ZNF469: variants seen among roughly 807,000 people sequenced by gnomAD.
ZNF469 encodes the protein zinc finger protein 469.
ZNF469 carries 1 observed loss-of-function variant against 1.0 expected under a neutral mutation model. The observed-to-expected ratio is 1.00, with a 90% CI of 0.35 to 4.73. The LOEUF (loss-of-function observed/expected upper bound fraction) is 4.73. Among genes scored for constraint, ZNF469 ranks in the 30% most tolerant of loss-of-function variants. The probability of loss-of-function intolerance (pLI) is 0.16; values close to 1 mark genes in which losing one functional copy is unlikely to be tolerated. For missense variants in ZNF469, 6,100 were observed against 5,356.3 expected (o/e 1.14, Z -4.33); for synonymous variants, 2,703 against 2,363.4 (o/e 1.14, Z -4.17).
chr16:88,204,248 A>G, the ZNF469 span, among the ~76,000 whole-genome samples: 80 of 151,924 alleles, frequency 5.3e-4, no homozygotes, highest in African/African-American at 1.9e-3. Flanking sequence ...GAGCAGCGGG[A>G]GGCGCACCAT....
At chr16:88,238,830 C>T in the ZNF469 span, among the ~76,000 whole-genome samples, 1 of 152,178 alleles carries the variant, frequency 6.6e-6, no homozygotes, top group East Asian at 1.9e-4. Flanking sequence ...GAAGAGCAGG[C>T]GCCTCTGCTT....
chr16:88,317,323 G>A, the ZNF469 span, among the ~76,000 whole-genome samples: 1 of 152,242 alleles, frequency 6.6e-6, no homozygotes, highest in African/African-American at 2.4e-5. Flanking sequence ...CCCCAGGGCA[G>A]ATGCTCACAG....
At chr16:88,268,231 C>T in the ZNF469 span, among the ~76,000 whole-genome samples, 91 of 152,252 alleles carry the variant, frequency 6.0e-4, no homozygotes, top group African/African-American at 1.9e-3. Flanking sequence ...CGTTCCCATG[C>T]CCCGTTGTCA....
rs761659203 is a variant in ZNF469, at chr16:88,405,743, C to T, written c.-191-19064C>T. Among the ~76,000 whole-genome samples, 194 of 152,246 alleles carry T rather than the reference C, an allele frequency of 1.3e-3. 1 individual carries two copies. The highest frequency in any genetic ancestry group is 6.8e-3 in the Middle Eastern group (2 of 294). ...AGGCTCCCGGCACTCCAAGCCGCCT[C>T]GGTGGGGCCACAGCGTCTGTCCCGG... is the stretch of plus-strand genomic sequence containing the variant. On this transcript the variant is annotated intron_variant, in intron 1 of 2. Coordinates refer to ENST00000565624, the MANE Select transcript of ZNF469 (RefSeq NM_001367624.2).
the ZNF469 span, among the ~76,000 whole-genome samples, chr16:88,282,516 G>A: frequency 6.6e-6 from 1 of 152,134 alleles, no homozygotes; most frequent in Non-Finnish European, 1.5e-5. Context: ...TCCTTCAGAT[G>A]CTCACCTTGC....
intron 1 of ZNF469, among the ~76,000 whole-genome samples, chr16:88,409,555 G>A (rs2066021237): frequency 6.6e-6 from 1 of 152,162 alleles, no homozygotes; most frequent in Non-Finnish European, 1.5e-5. Context: ...CAGGGGCAGG[G>A]GGCCAGCCGG....
intron 1 of ZNF469, among the ~76,000 whole-genome samples, chr16:88,406,414 G>A (rs541521590): frequency 6.6e-5 from 10 of 152,224 alleles, no homozygotes; most frequent in African/African-American, 9.6e-5. Context: ...GGAAGCCCCC[G>A]CTGCCCGCTG....
At chr16:88,169,858 GT>G in the ZNF469 span, among the ~76,000 whole-genome samples, 2 of 152,192 alleles carry the variant, frequency 1.3e-5, no homozygotes, top group Non-Finnish European at 2.9e-5. The surrounding 1 kb of genome is among the most constrained non-coding windows in gnomAD (Gnocchi z 6.1). Context: ...TCTGGCACAC[GT>G]GGGCCCACCA....
At chr16:88,131,309 C>G in the ZNF469 span, among the ~76,000 whole-genome samples, 3,665 of 149,242 alleles carry the variant, frequency 0.025, 120 homozygotes, top group African/African-American at 0.091. Context: ...AAAACAATAC[C>G]AAGGCTGGTG....
the ZNF469 span, among the ~76,000 whole-genome samples, chr16:88,304,434 A>G: frequency 6.6e-6 from 1 of 152,210 alleles, no homozygotes; most frequent in South Asian, 2.1e-4. Context: ...TGCAGGGGCC[A>G]GGCCTCCATC....
intron 1 of ZNF469, among the ~76,000 whole-genome samples, chr16:88,411,836 G>A (rs1266299795): frequency 6.6e-6 from 1 of 152,120 alleles, no homozygotes; most frequent in East Asian, 1.9e-4. Context: ...TTCTGTCACA[G>A]CTGAACAGGC....
chr16:88,322,440 C>T, the ZNF469 span, among the ~76,000 whole-genome samples: 1 of 152,232 alleles, frequency 6.6e-6, no homozygotes, highest in Non-Finnish European at 1.5e-5. Flanking sequence ...GTGTCCCGGC[C>T]GTGTTCATCC....
chr16:88,394,173 A>G (rs1904586021), intron 1 of ZNF469, among the ~76,000 whole-genome samples: 1 of 147,218 alleles, frequency 6.8e-6, no homozygotes, highest in African/African-American at 2.5e-5. Context: ...GGGGTTTGAC[A>G]GGTCTACACC....
chr16:88,112,196 G>A, the ZNF469 span, among the ~76,000 whole-genome samples: 13 of 152,284 alleles, frequency 8.5e-5, no homozygotes, highest in South Asian at 2.1e-4. Flanking sequence ...CCAGCACTTC[G>A]GGAGGCTGAG....
At chr16:88,189,220 A>G in the ZNF469 span, among the ~76,000 whole-genome samples, 2,023 of 152,288 alleles carry the variant, frequency 0.013, 58 homozygotes, top group African/African-American at 0.047. The surrounding 1 kb of genome is among the most constrained non-coding windows in gnomAD (Gnocchi z 4.3). Flanking sequence ...TCTGATCGTA[A>G]CAACCCAAAT....
chr16:88,348,079 G>A, the ZNF469 span, among the ~76,000 whole-genome samples: 411 of 152,364 alleles, frequency 2.7e-3, 1 homozygote, highest in African/African-American at 9.1e-3. Flanking sequence ...GCAGCGGGTC[G>A]GAGCCTGAGT....
chr16:88,393,588 C>T (rs867497144), intron 1 of ZNF469, among the ~76,000 whole-genome samples: 1 of 152,282 alleles, frequency 6.6e-6, no homozygotes, highest in African/African-American at 2.4e-5. Context: ...GTGGGTTCGC[C>T]CCAGTGCCGA....
the ZNF469 span, among the ~76,000 whole-genome samples, chr16:88,257,094 A>G: frequency 1.4e-5 from 2 of 143,254 alleles, no homozygotes; most frequent in African/African-American, 2.6e-5. Context: ...GATTACAGGC[A>G]TGCACCACCA....
chr16:88,219,099 C>T, the ZNF469 span, among the ~76,000 whole-genome samples: 2 of 149,992 alleles, frequency 1.3e-5, no homozygotes, highest in African/African-American at 5.0e-5. Context: ...CTACAAACCA[C>T]TGCCCAAGGA....
Sources: allele counts gnomAD v4.1 joint callset (sites outside exome capture counted in the v4.1 genomes callset), GRCh38; gene constraint gnomAD v4.1.1; non-coding constraint Gnocchi (gnomAD v3.1); transcripts MANE v1.5; gene names NCBI Gene and HGNC (gene_info 2026-07-23, HGNC 2026-07-21).